The following PRDM16 variants were observed in gnomAD, a reference collection of about 807,000 sequenced individuals.
PRDM16 encodes PR/SET domain 16, also known as histone-lysine N-methyltransferase PRDM16.
PRDM16 carries 23 observed loss-of-function variants against 110.6 expected under a neutral mutation model. The observed-to-expected ratio is 0.21, with a 90% CI of 0.15 to 0.29. The LOEUF (loss-of-function observed/expected upper bound fraction) is 0.29. PRDM16 is among the 10% of genes least tolerant of loss of function. PRDM16 has a pLI of 1.00. For missense variants in PRDM16, 1,615 were observed against 1,794.3 expected (o/e 0.90, Z 1.81); for synonymous variants, 799 against 781.8 (o/e 1.02, Z -0.37).
At chr1:3,379,071 C>A (rs1643046419) in intron 3 of PRDM16, among the ~76,000 whole-genome samples, 1 of 142,374 alleles carries the variant, frequency 7.0e-6, no homozygotes, top group Admixed American at 6.9e-5. Context: ...GGTGCACCCT[C>A]CCCAACACAC....
In PRDM16 at chr1:3,286,034, T is replaced by C. The variant is rs561697842; in HGVS notation, c.438+41897T>C. Among the ~76,000 whole-genome samples, 628 of 152,328 alleles carry C rather than the reference T, an allele frequency of 4.1e-3. 4 individuals carry two copies. Among genetic ancestry groups the C allele is most frequent in the African/African-American group, 0.014 (599 of 41,576 alleles). ...TGCTGAACCTTCACCCCCATAACTA[T>C]GGGACCATTTAAATGCTAATGCCAT... On this transcript the variant is annotated intron_variant, in intron 3 of 16. Coordinates refer to ENST00000270722, the MANE Select transcript of PRDM16 (RefSeq NM_022114.4).
chr1:3,164,116 A>G (rs1237412039), intron 1 of PRDM16, among the ~76,000 whole-genome samples: 4 of 152,242 alleles, frequency 2.6e-5, no homozygotes, highest in Non-Finnish European at 5.9e-5. Flanking sequence ...GTCGTCCATC[A>G]ACTTCCAGAG....
At position 3,069,212 on chromosome 1, in the gene PRDM16, C is replaced by T; in HGVS notation, c.-48C>T. 6.4e-7 allele frequency: 1 copy of T among 1,555,158 alleles called. No individual in the cohort carries two copies. The highest frequency in any genetic ancestry group is 1.4e-5 in the African/African-American group (1 of 72,464). ...CTGGGGAGATGAAGATAGTGTGTGG[C>T]TGCTTCTGGACTCAAGGAGGAGGAG... On this transcript the variant is annotated 5_prime_UTR_variant, in exon 1 of 17. Coordinates refer to ENST00000270722, the MANE Select transcript of PRDM16 (RefSeq NM_022114.4). The surrounding 1 kb of genome is among the most constrained non-coding windows in gnomAD (Gnocchi z 6.1).
At position 3,157,434 on chromosome 1, in the gene PRDM16, A is replaced by AAAC. The variant is rs1643867870; in HGVS notation, c.38-28689_38-28688insCAA. Among the ~76,000 whole-genome samples, 1 of 151,604 alleles carries AAAC rather than the reference A, an allele frequency of 6.6e-6. No homozygotes were observed. The highest frequency in any genetic ancestry group is 2.4e-5 in the African/African-American group (1 of 41,178). ...TTTGCGATCCCATTAAAAAAAAAAA[A>AAAC]AAAAAAAACACCTTTGTGGGGGCTG... On this transcript the variant is annotated intron_variant, in intron 1 of 16. Coordinates refer to ENST00000270722, the MANE Select transcript of PRDM16 (RefSeq NM_022114.4). This position sits in a 1 kb window ranked among gnomAD's most constrained non-coding sequence, Gnocchi z 4.8.
chr1:3,322,636 C>T (rs2100461775), intron 3 of PRDM16, among the ~76,000 whole-genome samples: 1 of 152,328 alleles, frequency 6.6e-6, no homozygotes, highest in Middle Eastern at 3.4e-3. Flanking sequence ...AGGCCAGTGC[C>T]TGGCAGCCTC....
intron 1 of PRDM16, among the ~76,000 whole-genome samples, chr1:3,073,107 C>G (rs564472474): frequency 6.2e-4 from 95 of 152,356 alleles, no homozygotes; most frequent in African/African-American, 2.1e-3. Context: ...CCTCCTGGCC[C>G]CGAGGCTTCC....
In PRDM16 at chr1:3,404,900, C is replaced by T. The variant is rs1420211007; in HGVS notation, c.1032+14C>T. 11 of 1,610,962 alleles carry T rather than the reference C, an allele frequency of 6.8e-6. No homozygotes were observed. Among genetic ancestry groups the T allele is most frequent in the African/African-American group, 5.3e-5 (4 of 74,850 alleles). ...AACTGCGTGAAGGTAACCTGCGGGG[C>T]GGCCCCGTCTCAGCCCCGGGGCAGC... On this transcript the variant is annotated intron_variant, in intron 7 of 16. Transcript: ENST00000270722.
intron 1 of PRDM16, among the ~76,000 whole-genome samples, chr1:3,183,289 G>T (rs1644231665): frequency 6.6e-6 from 1 of 152,242 alleles, no homozygotes; most frequent in Non-Finnish European, 1.5e-5. Flanking sequence ...CCTGGCCGGA[G>T]CTCAGGGTGG....
chr1:3,403,132 G>A, intron 6 of PRDM16, 134 bp downstream of exon 6: 1 of 845,292 alleles, frequency 1.2e-6, no homozygotes, highest in African/African-American at 1.8e-5. Flanking sequence ...GTAGACAAAG[G>A]GCCCCCTGGT....
intron 3 of PRDM16, among the ~76,000 whole-genome samples, chr1:3,346,306 G>T (rs1402743907): frequency 6.6e-6 from 1 of 152,202 alleles, no homozygotes; most frequent in African/African-American, 2.4e-5. Flanking sequence ...AGTTCTGTGT[G>T]ACATAGGCTG....
chr1:3,260,193 T>G (rs1324011670), intron 3 of PRDM16, among the ~76,000 whole-genome samples: 2 of 152,250 alleles, frequency 1.3e-5, no homozygotes, highest in Non-Finnish European at 1.5e-5. Flanking sequence ...GGAGCACTCC[T>G]GATTGTCTGG....
rs948166934 is a variant in PRDM16 at position 3,435,885 on chromosome 1, A to G, written c.*2074A>G. The G allele has an allele frequency of 4.3e-6, 1 of 231,898 alleles. No homozygotes were observed. Among genetic ancestry groups the G allele is most frequent in the South Asian group, 1.8e-4 (1 of 5,528 alleles). 14.4% of individuals were successfully genotyped at this position (231,898 alleles called of 1,614,324 possible). A position where few individuals can be genotyped will look rare whatever the true frequency, so the allele number is the denominator to read the frequency against. On this transcript the variant is annotated 3_prime_UTR_variant, in exon 17 of 17. Transcript: ENST00000270722. ...GATTCCTCCCACGCCAGATCTGCAC[A>G]ACGAGGCAAGACAGGACCCACCTGT...
rs927709385 is a variant in PRDM16 at position 3,098,366 on chromosome 1, G to A, written c.37+29070G>A. Among the ~76,000 whole-genome samples the A allele has an allele frequency of 3.3e-5, 5 of 152,198 alleles. No individual in the cohort carries two copies. The East Asian group carries it at 9.6e-4, about 29-fold the overall frequency. On this transcript the variant is annotated intron_variant, in intron 1 of 16. Coordinates refer to ENST00000270722, the MANE Select transcript of PRDM16 (RefSeq NM_022114.4). ...GAGGTCACCCTCACTGCCCACTGGG[G>A]GGTTGCGGAGTGGCGAGCTGGCAAG...
chr1:3,134,267 G>A (rs967598391), intron 1 of PRDM16, among the ~76,000 whole-genome samples: 8 of 152,320 alleles, frequency 5.3e-5, no homozygotes, highest in African/African-American at 1.7e-4. Context: ...CCATTCAGCT[G>A]GGGGACGGAG....
intron 3 of PRDM16, among the ~76,000 whole-genome samples, chr1:3,269,152 A>G (rs1445981440): frequency 6.6e-6 from 1 of 152,280 alleles, no homozygotes; most frequent in African/African-American, 2.4e-5. Context: ...GGCCATGGCC[A>G]CTGGGCTTCT....
intron 3 of PRDM16, among the ~76,000 whole-genome samples, chr1:3,279,475 G>A (rs1557577651): frequency 1.3e-5 from 2 of 152,250 alleles, no homozygotes; most frequent in Non-Finnish European, 2.9e-5. Context: ...CGTCAGTCTG[G>A]GACGCCCTGC....
chr1:3,118,023 T>C (rs1430557778), intron 1 of PRDM16, among the ~76,000 whole-genome samples: 1 of 151,914 alleles, frequency 6.6e-6, no homozygotes, highest in Non-Finnish European at 1.5e-5. Context: ...TGTGCATGTG[T>C]ACATGCATGT....
chr1:3,121,458 A>G (rs1643092127), intron 1 of PRDM16, among the ~76,000 whole-genome samples: 1 of 152,242 alleles, frequency 6.6e-6, no homozygotes, highest in African/African-American at 2.4e-5. Flanking sequence ...AACAAAACAC[A>G]GTGAGGACAA....
chr1:3,231,227 C>G (rs182979382), intron 2 of PRDM16, among the ~76,000 whole-genome samples: 3 of 152,352 alleles, frequency 2.0e-5, no homozygotes, highest in Non-Finnish European at 4.4e-5. Context: ...ATCACCCTTA[C>G]TAGGTTAATC....
Sources: allele counts gnomAD v4.1 joint callset (sites outside exome capture counted in the v4.1 genomes callset), GRCh38; gene constraint gnomAD v4.1.1; non-coding constraint Gnocchi (gnomAD v3.1); transcripts MANE v1.5; gene names NCBI Gene and HGNC (gene_info 2026-07-23, HGNC 2026-07-21).